The following MAGI2 variants were observed in gnomAD, a reference collection of about 807,000 sequenced individuals.
The protein encoded by MAGI2 is membrane associated guanylate kinase, WW and PDZ domain containing 2.
In MAGI2, 35 loss-of-function variants were observed where a neutral mutation model predicts 133.3. The observed-to-expected ratio is 0.26, with a 90% CI of 0.20 to 0.35. The LOEUF is 0.35. Ranked by LOEUF, MAGI2 falls within the 10% of genes least tolerant of loss-of-function variation. The pLI, the probability that MAGI2 is intolerant of heterozygous loss-of-function variation, is 1.00. For synonymous variants in MAGI2, 729 were observed against 710.6 expected, an observed-to-expected ratio of 1.03 and a Z score of -0.41; for missense variants, 1,636 against 1,863.4, an observed-to-expected ratio of 0.88 and a Z score of 2.25.
intron 2 of MAGI2, among the ~76,000 whole-genome samples, chr7:78,845,959 C>T (rs1161184749): frequency 6.6e-6 from 1 of 151,882 alleles, no homozygotes; most frequent in Non-Finnish European, 1.5e-5. Flanking sequence ...GGCAAAGATA[C>T]TTCTGGAAAT....
chr7:78,348,857 G>A (rs1000430600), intron 7 of MAGI2, among the ~76,000 whole-genome samples: 3 of 152,138 alleles, frequency 2.0e-5, no homozygotes, highest in African/African-American at 7.2e-5. Context: ...GATAAGATAG[G>A]TTCCTATTTA....
intron 21 of MAGI2, among the ~76,000 whole-genome samples, chr7:78,077,602 T>TAGATGCTGGAAACAACACA (rs773180706): frequency 3.3e-5 from 5 of 151,384 alleles, no homozygotes; most frequent in Admixed American, 6.6e-5. Flanking sequence ...ATTTAAGGTC[T>TAGATGCTGGAAACAACACA]TTGAGTTTAG....
intron 2 of MAGI2, among the ~76,000 whole-genome samples, chr7:78,653,318 A>C (rs1342271466): frequency 1.3e-5 from 2 of 152,212 alleles, no homozygotes; most frequent in Non-Finnish European, 2.9e-5. Flanking sequence ...TCATTCTACT[A>C]TAAAGATATA....
intron 2 of MAGI2, among the ~76,000 whole-genome samples, chr7:78,845,599 G>A (rs1247153160): frequency 6.6e-6 from 1 of 151,918 alleles, no homozygotes; most frequent in Non-Finnish European, 1.5e-5. Flanking sequence ...AAAACATAAG[G>A]CCTATTGCTG....
intron 9 of MAGI2, among the ~76,000 whole-genome samples, chr7:78,335,137 T>C (rs1355482129): frequency 1.3e-5 from 2 of 152,236 alleles, no homozygotes; most frequent in African/African-American, 4.8e-5. Context: ...TCTAAGTATT[T>C]ACTAATATTT....
At chr7:79,186,255 T>G in intron 1 of MAGI2, among the ~76,000 whole-genome samples, 1 of 140,672 alleles carries the variant, frequency 7.1e-6, no homozygotes, top group South Asian at 2.3e-4. Flanking sequence ...TATATTTATT[T>G]ATTTATAAAC....
intron 2 of MAGI2, among the ~76,000 whole-genome samples, chr7:78,989,223 A>C (rs1352545322): frequency 1.3e-5 from 2 of 152,012 alleles, no homozygotes; most frequent in Non-Finnish European, 2.9e-5. Flanking sequence ...AACTACCATT[A>C]CCCCAAAGAA....
intron 2 of MAGI2, among the ~76,000 whole-genome samples, chr7:78,748,712 G>A (rs1010829203): frequency 6.6e-6 from 1 of 152,050 alleles, no homozygotes; most frequent in African/African-American, 2.4e-5. Flanking sequence ...GATATCGATA[G>A]GACATAGTCT....
intron 1 of MAGI2, among the ~76,000 whole-genome samples, chr7:79,098,342 A>T (rs533193232): frequency 6.6e-6 from 1 of 152,192 alleles, no homozygotes; most frequent in African/African-American, 2.4e-5. Context: ...TTGTATTTAC[A>T]ATACTGTTAT....
chr7:78,474,358 C>T (rs1018976457), intron 6 of MAGI2, among the ~76,000 whole-genome samples: 2 of 151,976 alleles, frequency 1.3e-5, no homozygotes, highest in Non-Finnish European at 2.9e-5. Flanking sequence ...GATTTTCATT[C>T]GGCTATGCTC....
At chr7:79,033,814 G>A (rs567392176) in intron 1 of MAGI2, among the ~76,000 whole-genome samples, 1 of 152,130 alleles carries the variant, frequency 6.6e-6, no homozygotes, top group African/African-American at 2.4e-5. Flanking sequence ...AGTGGTAGTG[G>A]GTGAAGTGGT....
At chr7:78,067,378 G>T (rs572980030) in intron 21 of MAGI2, among the ~76,000 whole-genome samples, 16 of 152,330 alleles carry the variant, frequency 1.1e-4, no homozygotes, top group African/African-American at 3.8e-4. Context: ...AGTAGAAACT[G>T]CAGTGAAATG....
At chr7:78,608,804 C>G (rs1806113120) in intron 3 of MAGI2, among the ~76,000 whole-genome samples, 1 of 152,094 alleles carries the variant, frequency 6.6e-6, no homozygotes, top group Non-Finnish European at 1.5e-5. Flanking sequence ...CACTTTTGTC[C>G]TTGTTATCAC....
intron 1 of MAGI2, among the ~76,000 whole-genome samples, chr7:79,015,325 C>T (rs749208864): frequency 1.6e-5 from 2 of 123,388 alleles, no homozygotes; most frequent in Non-Finnish European, 3.5e-5. Context: ...TTCTTAAAAG[C>T]CAGGTCAGTC....
At chr7:78,629,129 T>C (rs995914730) in intron 2 of MAGI2, among the ~76,000 whole-genome samples, 1 of 152,130 alleles carries the variant, frequency 6.6e-6, no homozygotes, top group Admixed American at 6.5e-5. Flanking sequence ...TTAGTGAACA[T>C]TTGTAGTTGT....
intron 10 of MAGI2, chr7:78,255,634 T>G: frequency 1.8e-6 from 1 of 557,228 alleles, no homozygotes; most frequent in East Asian, 3.1e-5. Context: ...GACCGATACA[T>G]GAATGAATTT....
At chr7:78,931,120 C>T (rs934187034) in intron 2 of MAGI2, among the ~76,000 whole-genome samples, 1 of 152,050 alleles carries the variant, frequency 6.6e-6, no homozygotes, top group African/African-American at 2.4e-5. Flanking sequence ...AGAAATAAAG[C>T]TTCAACCCAC....
Position 78,342,457 on chromosome 7 carries a change from A to G in MAGI2, c.1408+1321T>C, listed in dbSNP as rs1237187105. On this transcript the variant is annotated intron_variant, in intron 9 of 21. Transcript: ENST00000354212. ...CATTTGACCTAGCAATCCCATTACT[A>G]TATATATACCCAAAGGATTATAAAT... Among the ~76,000 whole-genome samples the G allele has an allele frequency of 1.7e-3, 261 of 152,252 alleles. 1 individual carries two copies. Among genetic ancestry groups the G allele is most frequent in the Middle Eastern group, 3.4e-3 (1 of 294 alleles).
chr7:78,885,314 T>G (rs1024289332), intron 2 of MAGI2, among the ~76,000 whole-genome samples: 1 of 152,146 alleles, frequency 6.6e-6, no homozygotes, highest in African/African-American at 2.4e-5. Flanking sequence ...AAATAAAAGT[T>G]GAAATTACTA....
Sources: allele counts gnomAD v4.1 joint callset (sites outside exome capture counted in the v4.1 genomes callset), GRCh38; gene constraint gnomAD v4.1.1; transcripts MANE v1.5; gene names NCBI Gene and HGNC (gene_info 2026-07-23, HGNC 2026-07-21).